EIF3H: variants seen among roughly 807,000 people sequenced by gnomAD.
EIF3H encodes eIF-3-gamma.
In EIF3H, 26 loss-of-function variants were observed where a neutral mutation model predicts 44.2. The ratio of observed to expected loss-of-function variants is 0.59; its 90% CI spans 0.43 to 0.82. The LOEUF is 0.82. EIF3H is among the 40% of genes least tolerant of loss of function. The pLI is 0.00. For synonymous variants in EIF3H, 166 were observed against 151.9 expected (o/e 1.09, Z -0.68); for missense variants, 359 against 432.8 (o/e 0.83, Z 1.51).
At chr8:116,687,424 C>A (rs1387311669) in intron 2 of EIF3H, among the ~76,000 whole-genome samples, 1 of 152,028 alleles carries the variant, frequency 6.6e-6, no homozygotes, top group Non-Finnish European at 1.5e-5. Flanking sequence ...GGAGCTTCAG[C>A]AAAAGAAAAG....
intron 1 of EIF3H, among the ~76,000 whole-genome samples, chr8:116,744,936 G>T (rs1432315665): frequency 6.6e-6 from 1 of 152,114 alleles, no homozygotes; most frequent in Non-Finnish European, 1.5e-5. Flanking sequence ...CCAAGGTATG[G>T]GCTAGGACTG....
At chr8:116,739,944 C>A (rs1815103398) in intron 1 of EIF3H, among the ~76,000 whole-genome samples, 1 of 152,080 alleles carries the variant, frequency 6.6e-6, no homozygotes, top group African/African-American at 2.4e-5. Flanking sequence ...CAGACCAACA[C>A]TTTAGTAAAA....
At chr8:116,657,483 A>G (rs1813510355) in intron 3 of EIF3H, 169 bp from the exon 4 acceptor site, 1 of 599,198 alleles carries the variant, frequency 1.7e-6, no homozygotes, top group African/African-American at 1.9e-5. Flanking sequence ...TATTGCAAAT[A>G]GCACTTGAAA....
chr8:116,713,831 G>A (rs1018244859), intron 2 of EIF3H, among the ~76,000 whole-genome samples: 7 of 152,034 alleles, frequency 4.6e-5, no homozygotes, highest in South Asian at 2.1e-4. Flanking sequence ...AAAATACTAC[G>A]TAACAAAAAG....
At chr8:116,710,402 C>T (rs1315250414) in intron 2 of EIF3H, among the ~76,000 whole-genome samples, 2 of 152,122 alleles carry the variant, frequency 1.3e-5, no homozygotes, top group African/African-American at 4.8e-5. Flanking sequence ...TTCTCCATTC[C>T]ATGTAGCAAA....
In EIF3H at chr8:116,748,253, A is replaced by G. The variant is rs139920873; in HGVS notation, c.132+7413T>C. On this transcript the variant is annotated intron_variant, in intron 1 of 7. Coordinates refer to ENST00000521861, the MANE Select transcript of EIF3H (RefSeq NM_003756.3). The stretch of plus-strand genomic sequence containing the variant: ...GATTTGAATAACCATCAGGTAGGTA[A>G]GGTAGTGATAACATTTATCCCCAAA... Among the ~76,000 whole-genome samples the G allele has an allele frequency of 2.0e-5, 3 of 152,308 alleles. No homozygotes were observed. The East Asian group carries it at 5.8e-4, about 29-fold the overall frequency.
chr8:116,671,956 G>A (rs756317684), intron 2 of EIF3H, among the ~76,000 whole-genome samples: 1 of 152,086 alleles, frequency 6.6e-6, no homozygotes, highest in South Asian at 2.1e-4. Context: ...AATCAAAGCA[G>A]AGAAAAACCT....
At chr8:116,646,120 T>G (rs1235155591) in intron 7 of EIF3H, among the ~76,000 whole-genome samples, 1 of 152,226 alleles carries the variant, frequency 6.6e-6, no homozygotes, top group African/African-American at 2.4e-5. Flanking sequence ...CACTGTACAG[T>G]GCTGTGCTGG....
At chr8:116,707,459 CA>C (rs1025390995) in intron 2 of EIF3H, among the ~76,000 whole-genome samples, 4 of 152,046 alleles carry the variant, frequency 2.6e-5, no homozygotes, top group African/African-American at 9.7e-5. Context: ...GTGCTTTTTA[CA>C]AAGTATTCAA....
chr8:116,675,768 C>A (rs1813838025), intron 2 of EIF3H, among the ~76,000 whole-genome samples: 1 of 152,070 alleles, frequency 6.6e-6, no homozygotes, highest in Non-Finnish European at 1.5e-5. Context: ...AAAATGTTAA[C>A]CAAAACAAAC....
intron 2 of EIF3H, among the ~76,000 whole-genome samples, chr8:116,695,270 T>C (rs1814251066): frequency 6.6e-6 from 1 of 152,084 alleles, no homozygotes. Flanking sequence ...GGTTTCACCA[T>C]GTTGGCCAGG....
At chr8:116,720,571 G>A (rs886919680) in intron 2 of EIF3H, among the ~76,000 whole-genome samples, 5 of 152,140 alleles carry the variant, frequency 3.3e-5, no homozygotes, top group Admixed American at 6.5e-5. Context: ...GTAAATACCC[G>A]AAAATGTGGA....
chr8:116,652,203 A>G (rs2130781997), intron 5 of EIF3H, among the ~76,000 whole-genome samples: 1 of 152,354 alleles, frequency 6.6e-6, no homozygotes, highest in Middle Eastern at 3.4e-3. Context: ...AGAAGGCCTT[A>G]TCAACATATT....
intron 2 of EIF3H, among the ~76,000 whole-genome samples, chr8:116,662,489 A>C (rs1813600271): frequency 6.6e-6 from 1 of 152,124 alleles, no homozygotes; most frequent in Non-Finnish European, 1.5e-5. Context: ...AATAAGTAAT[A>C]CTGTTTCTGT....
intron 1 of EIF3H, among the ~76,000 whole-genome samples, chr8:116,741,498 A>G (rs562928628): frequency 2.0e-5 from 3 of 152,340 alleles, no homozygotes; most frequent in Non-Finnish European, 4.4e-5. Flanking sequence ...AACATCATTA[A>G]AGACAAAGTA....
In EIF3H at chr8:116,697,330, A is replaced by G. The variant is rs1011384576; in HGVS notation, c.289+28686T>C. On this transcript the variant is annotated intron_variant, in intron 2 of 7. Coordinates refer to ENST00000521861, the MANE Select transcript of EIF3H (RefSeq NM_003756.3). ...AAAAATTGCATGCCTGCTTGCAAAC[A>G]TATGGGATACTGAAGAACTATTGCT... 8 of 393,396 alleles carry G rather than the reference A, an allele frequency of 2.0e-5. No individual in the cohort carries two copies. The East Asian group carries it at 5.0e-4, about 25-fold the overall frequency. 24.4% of individuals were successfully genotyped at this position (393,396 alleles called of 1,614,324 possible). A position where few individuals can be genotyped will look rare whatever the true frequency, so the allele number is the denominator to read the frequency against.
chr8:116,730,637 A>G (rs768215470), intron 1 of EIF3H, among the ~76,000 whole-genome samples: 20 of 152,350 alleles, frequency 1.3e-4, no homozygotes, highest in Non-Finnish European at 2.6e-4. Flanking sequence ...AAAGTTTCAT[A>G]GATTCGAAGT....
In EIF3H at chr8:116,680,971, A is replaced by AT. The variant is rs202205106; in HGVS notation, c.290-21992dup. Among the ~76,000 whole-genome samples, 805 of 123,402 alleles carry AT rather than the reference A, an allele frequency of 6.5e-3. 4 individuals are homozygous for AT. Among genetic ancestry groups the AT allele is most frequent in the African/African-American group, 0.032 (769 of 24,154 alleles). The allele number at this position is 123,402 out of a possible 152,430, so 81.0% of individuals were successfully genotyped here. A position where few individuals can be genotyped will look rare whatever the true frequency, so the allele number is the denominator to read the frequency against. Reference sequence around the variant, plus strand: ...AGTAATAAAGATGTGGAATTTATAAATTAAAAAAAAAAAAGAGTTTACAGT... The same window carrying AT: ...AGTAATAAAGATGTGGAATTTATAAATTTAAAAAAAAAAAAGAGTTTACAGT... On this transcript the variant is annotated intron_variant, in intron 2 of 7. Transcript: ENST00000521861.
chr8:116,691,693 G>C (rs1030464946), intron 2 of EIF3H, among the ~76,000 whole-genome samples: 1 of 152,024 alleles, frequency 6.6e-6, no homozygotes, highest in Non-Finnish European at 1.5e-5. Context: ...TGGACAACAT[G>C]GCGAAAGCCC....
Sources: allele counts gnomAD v4.1 joint callset (sites outside exome capture counted in the v4.1 genomes callset), GRCh38; gene constraint gnomAD v4.1.1; transcripts MANE v1.5; gene names NCBI Gene and HGNC (gene_info 2026-07-23, HGNC 2026-07-21).